The following DYM variants were observed in gnomAD, a reference collection of about 807,000 sequenced individuals.
DYM encodes dyggve-Melchior-Clausen syndrome protein.
Under a neutral mutation model 93.1 loss-of-function variants are expected in DYM, and 78 were observed. That is an observed-to-expected ratio of 0.84 (90% confidence interval 0.70 to 1.01). The LOEUF (loss-of-function observed/expected upper bound fraction) is 1.01. DYM is among the 50% of genes least tolerant of loss of function. The pLI, the probability that DYM is intolerant of heterozygous loss-of-function variation, is 0.00. For missense variants in DYM, 789 were observed against 845.0 expected (o/e 0.93, Z 0.82); for synonymous variants, 321 against 319.7 (o/e 1.00, Z -0.04).
intron 14 of DYM, among the ~76,000 whole-genome samples, chr18:49,200,974 T>C (rs554703325): frequency 1.3e-5 from 2 of 152,316 alleles, no homozygotes; most frequent in South Asian, 4.1e-4. Context: ...TTGTATTGCA[T>C]TGTATGGCTG....
intron 2 of DYM, among the ~76,000 whole-genome samples, chr18:49,412,691 GA>G (rs1451016460): frequency 6.6e-6 from 1 of 152,114 alleles, no homozygotes; most frequent in African/African-American, 2.4e-5. Flanking sequence ...TTTTCAACTT[GA>G]AAAGTTCTAA....
intron 13 of DYM, among the ~76,000 whole-genome samples, chr18:49,255,841 T>C (rs1034655448): frequency 6.6e-6 from 1 of 152,084 alleles, no homozygotes; most frequent in African/African-American, 2.4e-5. Flanking sequence ...CCTGCAATGA[T>C]ATTCACTTAT....
intron 13 of DYM, among the ~76,000 whole-genome samples, chr18:49,233,853 G>A (rs570138027): frequency 7.9e-5 from 12 of 152,126 alleles, no homozygotes; most frequent in Admixed American, 2.6e-4. Flanking sequence ...CTGGCCGGGC[G>A]CGGTGGCTCA....
chr18:49,080,875 G>A (rs1175302382), intron 17 of DYM, among the ~76,000 whole-genome samples: 1 of 151,942 alleles, frequency 6.6e-6, no homozygotes, highest in African/African-American at 2.4e-5. Context: ...GTGGCGGCCG[G>A]GCAGAGGCGC....
intron 5 of DYM, among the ~76,000 whole-genome samples, chr18:49,366,837 T>G (rs989125044): frequency 2.0e-5 from 3 of 152,202 alleles, no homozygotes; most frequent in African/African-American, 7.2e-5. Context: ...TAACTCTTGA[T>G]GAATAGTTAA....
At chr18:49,298,408 C>T (rs894538723) in intron 8 of DYM, among the ~76,000 whole-genome samples, 6 of 151,818 alleles carry the variant, frequency 4.0e-5, no homozygotes, top group Admixed American at 1.3e-4. Flanking sequence ...GGTGAAACCC[C>T]GTCTCTACTA....
Position 49,216,465 on chromosome 18 carries a change from AC to A in DYM, c.1461-6751del, listed in dbSNP as rs1482953498. ...GACTGCTTCCTTAAGTGGGTCCCTGACCCCTGACCCCCGAGCAGCCTAACTG... is the reference window on the plus strand; with the variant it reads ...GACTGCTTCCTTAAGTGGGTCCCTGACCCTGACCCCCGAGCAGCCTAACTG... On this transcript the variant is annotated intron_variant, in intron 13 of 17. Transcript: ENST00000675505. 3.3e-5 allele frequency among the ~76,000 whole-genome samples: 5 copies of A among 152,080 alleles called. No individual in the cohort carries two copies. In the East Asian group the frequency reaches 9.7e-4, roughly 29 times the overall value.
At position 49,347,524 on chromosome 18, in the gene DYM, G is replaced by A. The variant is rs1268821159; in HGVS notation, c.495-13671C>T. ...CCGATTCGAAATGAAGAAAGTCAGGGCCTGCTTCTAAGCATCTATTAACTC... is the reference window on the plus strand; with the variant it reads ...CCGATTCGAAATGAAGAAAGTCAGGACCTGCTTCTAAGCATCTATTAACTC... On this transcript the variant is annotated intron_variant, in intron 6 of 17. Transcript: ENST00000675505. 2.0e-5 allele frequency among the ~76,000 whole-genome samples: 3 copies of A among 152,118 alleles called. No homozygotes were observed. The East Asian group carries it at 5.8e-4, about 29-fold the overall frequency.
chr18:49,154,656 A>C (rs1360169266), intron 15 of DYM, among the ~76,000 whole-genome samples: 1 of 152,148 alleles, frequency 6.6e-6, no homozygotes, highest in Non-Finnish European at 1.5e-5. Context: ...CTGCCTCCCA[A>C]AATGCTGGGA....
intron 11 of DYM, among the ~76,000 whole-genome samples, chr18:49,268,104 A>G (rs2094602815): frequency 6.6e-6 from 1 of 152,222 alleles, no homozygotes; most frequent in Admixed American, 6.5e-5. Flanking sequence ...ATATATGCAC[A>G]CAAAAAGCAC....
At chr18:49,354,377 T>G (rs1488958283) in intron 6 of DYM, among the ~76,000 whole-genome samples, 1 of 151,978 alleles carries the variant, frequency 6.6e-6, no homozygotes, top group African/African-American at 2.4e-5. Flanking sequence ...GATTAAAATT[T>G]TAAAATTTAA....
chr18:49,105,533 T>C (rs1271958800), intron 16 of DYM, among the ~76,000 whole-genome samples: 2 of 152,234 alleles, frequency 1.3e-5, no homozygotes, highest in African/African-American at 2.4e-5. Context: ...CTGCTTTCTC[T>C]TGTGGGCATT....
At chr18:49,355,160 A>G (rs1020910599) in intron 6 of DYM, among the ~76,000 whole-genome samples, 1 of 152,052 alleles carries the variant, frequency 6.6e-6, no homozygotes, top group Non-Finnish European at 1.5e-5. Flanking sequence ...ACAATGATAG[A>G]TACATTGATC....
intron 2 of DYM, among the ~76,000 whole-genome samples, chr18:49,409,283 C>CAAAAAAAAAA (rs200898948): frequency 6.3e-5 from 4 of 63,308 alleles, no homozygotes; most frequent in Admixed American, 1.7e-4. Context: ...GACTCTGTCT[C>CAAAAAAAAAA]AAAAAAAAAA....
chr18:49,254,230 A>G (rs1224204524), intron 13 of DYM, among the ~76,000 whole-genome samples: 1 of 150,364 alleles, frequency 6.7e-6, no homozygotes, highest in Admixed American at 6.6e-5. Context: ...ATATTAAGAT[A>G]TAATAATATA....
intron 6 of DYM, 85 bp downstream of exon 6, chr18:49,363,076 G>T: frequency 9.4e-7 from 1 of 1,067,416 alleles, no homozygotes. Context: ...TTCTATACAA[G>T]GACCCACAAA....
intron 16 of DYM, among the ~76,000 whole-genome samples, chr18:49,109,480 T>G (rs2081191392): frequency 6.6e-6 from 1 of 152,234 alleles, no homozygotes; most frequent in Admixed American, 6.5e-5. Context: ...TACTTGACAC[T>G]GTGAAGAACT....
chr18:49,296,130 T>C (rs967973173), intron 8 of DYM, among the ~76,000 whole-genome samples: 37 of 152,282 alleles, frequency 2.4e-4, no homozygotes, highest in African/African-American at 8.2e-4. Flanking sequence ...GGTTTTGCCA[T>C]GGTGGCCAGG....
chr18:49,420,439 G>C (rs542054361), intron 2 of DYM, among the ~76,000 whole-genome samples: 2 of 152,202 alleles, frequency 1.3e-5, no homozygotes, highest in Admixed American at 6.5e-5. Context: ...AAGGTGTTTG[G>C]ATTACAGGCA....
Sources: allele counts gnomAD v4.1 joint callset (sites outside exome capture counted in the v4.1 genomes callset), GRCh38; gene constraint gnomAD v4.1.1; transcripts MANE v1.5; gene names NCBI Gene and HGNC (gene_info 2026-07-23, HGNC 2026-07-21).